DRG1: variants seen among roughly 807,000 people sequenced by gnomAD.
DRG1 encodes the protein developmentally-regulated GTP-binding protein 1.
A neutral mutation model predicts 38.8 loss-of-function variants in DRG1; 19 were observed. The ratio of observed to expected loss-of-function variants is 0.49; its 90% confidence interval spans 0.34 to 0.72. The LOEUF (loss-of-function observed/expected upper bound fraction) is 0.72. DRG1 is among the 30% of genes least tolerant of loss of function. The probability of loss-of-function intolerance (pLI) is 0.01; values close to 1 mark genes in which losing one functional copy is unlikely to be tolerated. For missense variants in DRG1, 299 were observed against 444.8 expected (o/e 0.67, Z 2.95); for synonymous variants, 167 against 157.5 (o/e 1.06, Z -0.45).
At chr22:31,406,802 A>T (rs2049992076) in intron 3 of DRG1, among the ~76,000 whole-genome samples, 1 of 152,210 alleles carries the variant, frequency 6.6e-6, no homozygotes, top group Non-Finnish European at 1.5e-5. Context: ...TTTCTGCAAC[A>T]GTATTCACTA....
At chr22:31,420,495 G>A in intron 5 of DRG1, 70 bp downstream of exon 5, 1 of 1,567,968 alleles carries the variant, frequency 6.4e-7, no homozygotes, top group Non-Finnish European at 8.7e-7. Flanking sequence ...GGGGTGCATG[G>A]ACCCTGACAT....
At chr22:31,426,469 T>C in intron 6 of DRG1, 146 bp from the exon 7 acceptor site, 1 of 669,848 alleles carries the variant, frequency 1.5e-6, no homozygotes, top group East Asian at 2.7e-5. Flanking sequence ...CTTTTTCTTT[T>C]TCTTTTTTCT....
intron 4 of DRG1, among the ~76,000 whole-genome samples, chr22:31,415,209 A>G (rs1230913125): frequency 6.6e-6 from 1 of 152,218 alleles, no homozygotes; most frequent in African/African-American, 2.4e-5. Context: ...TGTGACTAAC[A>G]TTTAATTACA....
chr22:31,431,031 C>G (rs745309070), intron 8 of DRG1, among the ~76,000 whole-genome samples: 51,395 of 87,662 alleles, frequency 0.59, 15,200 homozygotes, highest in Non-Finnish European at 0.65. Flanking sequence ...CCCCCCCCCC[C>G]CCGCTTTTTT....
intron 8 of DRG1, among the ~76,000 whole-genome samples, chr22:31,433,654 C>G (rs1194942338): frequency 6.6e-6 from 1 of 152,112 alleles, no homozygotes; most frequent in Non-Finnish European, 1.5e-5. Context: ...TTGTCTTTGA[C>G]TTTCTGCAAT....
At chr22:31,429,631 C>T (rs1246239133) in intron 8 of DRG1, among the ~76,000 whole-genome samples, 2 of 151,444 alleles carry the variant, frequency 1.3e-5, no homozygotes, top group South Asian at 2.1e-4. Flanking sequence ...TCATGTTGGC[C>T]CCTGTGTTCT....
chr22:31,399,656 G>A lies in DRG1; in HGVS notation c.-28G>A. On this transcript the variant is annotated 5_prime_UTR_variant, in exon 1 of 9. In the 5' UTR this introduces an upstream ATG that the reference lacks. Transcript: ENST00000331457. ...GCCCGCGGGTGTGTGAAGGGAGACA[G>A]TGTGGAGGCCACAGGGTACTCGCCA... is the stretch of plus-strand genomic sequence containing the variant. 6.2e-7 allele frequency: 1 copy of A among 1,614,016 alleles called. No homozygotes were observed. The highest frequency in any genetic ancestry group is 1.1e-5 in the South Asian group (1 of 91,080).
chr22:31,419,395 GC>G (rs1238936637), intron 4 of DRG1, among the ~76,000 whole-genome samples: 1 of 148,682 alleles, frequency 6.7e-6, no homozygotes, highest in Non-Finnish European at 1.5e-5. Flanking sequence ...TTACTTTGTT[GC>G]ACAGGCTGGT....
chr22:31,403,216 C>T lies in DRG1; in HGVS notation c.342+12C>T, dbSNP rs2049972252. The T allele has an allele frequency of 6.3e-7, 1 of 1,593,946 alleles. No individual in the cohort carries two copies. The highest frequency in any genetic ancestry group is 1.1e-5 in the South Asian group (1 of 88,364). On this transcript the variant is annotated intron_variant, in intron 3 of 8. Transcript: ENST00000331457. ...GTGCCAAGATCCAGGTGAGTCAAGC[C>T]TGCAGACTAAGGAAGGAAAGAAATC...
intron 3 of DRG1, among the ~76,000 whole-genome samples, chr22:31,403,579 A>G (rs530233124): frequency 3.9e-5 from 6 of 152,266 alleles, no homozygotes; most frequent in Admixed American, 3.9e-4. Flanking sequence ...AGGCTGGAGA[A>G]TCGCTTGAAC....
At chr22:31,424,912 C>T (rs970174355) in intron 6 of DRG1, among the ~76,000 whole-genome samples, 2 of 150,036 alleles carry the variant, frequency 1.3e-5, no homozygotes, top group Admixed American at 1.3e-4. Flanking sequence ...AAGCAATTCC[C>T]CTGCCTCAGC....
chr22:31,419,922 A>G (rs1601531305), intron 4 of DRG1, among the ~76,000 whole-genome samples: 1 of 152,182 alleles, frequency 6.6e-6, no homozygotes, highest in African/African-American at 2.4e-5. Context: ...ATGTGCCTGT[A>G]GTCCCAGCTA....
intron 8 of DRG1, among the ~76,000 whole-genome samples, chr22:31,433,248 TTTCTC>T (rs1484662114): frequency 1.3e-5 from 2 of 151,756 alleles, no homozygotes; most frequent in African/African-American, 4.8e-5. Context: ...TTTCAGGGTA[TTTCTC>T]TATGAAGATT....
chr22:31,429,436 T>G (rs1335333852), intron 8 of DRG1, among the ~76,000 whole-genome samples: 1 of 152,104 alleles, frequency 6.6e-6, no homozygotes, highest in Non-Finnish European at 1.5e-5. Flanking sequence ...GGTGATTCTT[T>G]ATTTTCCTTT....
chr22:31,407,878 T>C (rs1351062556), intron 3 of DRG1, among the ~76,000 whole-genome samples: 2 of 151,354 alleles, frequency 1.3e-5, no homozygotes, highest in Non-Finnish European at 2.9e-5. Flanking sequence ...CCCAGCACTT[T>C]GGGAGGCCGA....
chr22:31,403,180 C>T lies in DRG1; in HGVS notation c.318C>T (p.Ile106=), dbSNP rs1471162320. 1 of 1,612,524 alleles carries T rather than the reference C, an allele frequency of 6.2e-7. No homozygotes were observed. The highest frequency in any genetic ancestry group is 1.3e-5 in the African/African-American group (1 of 74,860). The change falls in exon 3 of 9, where the codon ATC becomes ATT. Residue 106 remains isoleucine (I), a synonymous_variant. Transcript: ENST00000331457. The part of the protein sequence containing the change: ...FTTLTTVPGV[I]RYKGAKIQLL... ...CTCTGACCACTGTGCCTGGTGTCAT[C>T]AGATACAAAGGTGCCAAGATCCAGG...
At chr22:31,407,607 G>A (rs1458366255) in intron 3 of DRG1, among the ~76,000 whole-genome samples, 1 of 151,568 alleles carries the variant, frequency 6.6e-6, no homozygotes, top group East Asian at 1.9e-4. Flanking sequence ...AGGTGCTGGG[G>A]TTATAGGCAT....
At chr22:31,413,155 C>T (rs1482451666) in intron 4 of DRG1, among the ~76,000 whole-genome samples, 2 of 151,372 alleles carry the variant, frequency 1.3e-5, no homozygotes, top group Non-Finnish European at 3.0e-5. Flanking sequence ...AGTGCAGCGG[C>T]CTGATTGTAC....
intron 5 of DRG1, among the ~76,000 whole-genome samples, 192 bp from the exon 6 acceptor site, chr22:31,423,088 G>A (rs971624330): frequency 2.0e-5 from 3 of 152,180 alleles, no homozygotes; most frequent in African/African-American, 7.2e-5. Context: ...GAGGAACACA[G>A]TTCAGCGTGT....
Sources: allele counts gnomAD v4.1 joint callset (sites outside exome capture counted in the v4.1 genomes callset), GRCh38; gene constraint gnomAD v4.1.1; transcripts MANE v1.5; gene names NCBI Gene and HGNC (gene_info 2026-07-23, HGNC 2026-07-21).